Variants in CATSPER4 observed in about 807,000 individuals in gnomAD.
The protein encoded by CATSPER4 is cation channel sperm-associated protein 4.
In CATSPER4, 46 loss-of-function variants were observed where a neutral mutation model predicts 54.4. The observed-to-expected ratio is 0.84, with a 90% CI of 0.67 to 1.08. CATSPER4 has a LOEUF of 1.08. CATSPER4 is among the 50% of genes least tolerant of loss of function. CATSPER4 has a pLI of 0.00. For missense variants in CATSPER4, 574 were observed against 612.8 expected (o/e 0.94, Z 0.67); for synonymous variants, 230 against 231.9 (o/e 0.99, Z 0.08).
intron 3 of CATSPER4, among the ~76,000 whole-genome samples, chr1:26,196,265 G>A (rs1405675218): frequency 2.0e-5 from 3 of 150,592 alleles, no homozygotes; most frequent in Non-Finnish European, 4.4e-5. Context: ...TTACAGGCAA[G>A]GGTCACCATA....
Position 26,201,505 on chromosome 1 carries a change from G to A in CATSPER4, c.1351G>A (p.Val451Ile). 1 of 1,613,986 alleles carries A rather than the reference G, an allele frequency of 6.2e-7. No individual in the cohort carries two copies. Among genetic ancestry groups the A allele is most frequent in the African/African-American group, 1.3e-5 (1 of 74,996 alleles). The change falls in exon 9 of 10, where the codon GTT becomes ATT. Residue 451 changes from valine (V) to isoleucine (I), a missense_variant. Transcript: ENST00000456354. ...ACAGCAAGACTTGCTCAGTGCGCTC[G>A]TTAGCATGGAAAAGGTGTGCCTTCC... ...SQQQDLLSAL[V>I]SMEKVHDSSS...
Position 26,201,420 on chromosome 1 carries a change from CTCG to C in CATSPER4, c.1270_1272del (p.Ser424del), listed in dbSNP as rs778382951. 31 of 1,613,988 alleles carry C rather than the reference CTCG, an allele frequency of 1.9e-5. No individual in the cohort carries two copies. Among genetic ancestry groups the C allele is most frequent in the Admixed American group, 5.0e-5 (3 of 60,008 alleles). On this transcript the variant is annotated inframe_deletion, in exon 9 of 10. Coordinates refer to ENST00000456354, the MANE Select transcript of CATSPER4 (RefSeq NM_198137.2). ...AGGAGTCAGAGGTGTTGAACAGGCG[CTCG>C]TCGACGAGCGGGTCGTTGGAGACTA...
intron 3 of CATSPER4, among the ~76,000 whole-genome samples, chr1:26,195,872 AT>A (rs2088932421): frequency 6.6e-6 from 1 of 152,200 alleles, no homozygotes; most frequent in Non-Finnish European, 1.5e-5. Context: ...GCACCAAGCC[AT>A]TCATGACCCA....
intron 9 of CATSPER4, 108 bp from the exon 10 acceptor site, chr1:26,202,381 C>A: frequency 1.0e-6 from 1 of 986,228 alleles, no homozygotes; most frequent in Non-Finnish European, 1.6e-6. Context: ...TGAAGCACTT[C>A]TCTGGGAGGC....
At chr1:26,201,865 G>A (rs1211829750) in intron 9 of CATSPER4, among the ~76,000 whole-genome samples, 1 of 151,468 alleles carries the variant, frequency 6.6e-6, no homozygotes, top group Admixed American at 6.6e-5. Flanking sequence ...AATTTTTGTA[G>A]TTTTAGTAGA....
Position 26,199,977 on chromosome 1 carries a change from C to A in CATSPER4, c.906C>A (p.Phe302Leu), listed in dbSNP as rs529618082. 6.2e-7 allele frequency: 1 copy of A among 1,614,036 alleles called. No homozygotes were observed. Among genetic ancestry groups the A allele is most frequent in the Non-Finnish European group, 8.5e-7 (1 of 1,179,954 alleles). ...TIGAFIGINL[F>L]VIVVTTNLEQ... ...GTGCCTTCATTGGCATCAACCTGTT[C>A]GTCATCGTGGTGACCACCAACCTGG... Residue 302 changes from phenylalanine to leucine, a missense_variant, in exon 7 of 10, where the codon TTC becomes TTA. Physicochemically the swap from Phe to Leu is conservative, Grantham distance 22 (BLOSUM62 0). Transcript: ENST00000456354.
At chr1:26,201,689 C>CAT in intron 9 of CATSPER4, 170 bp downstream of exon 9, 1 of 508,580 alleles carries the variant, frequency 2.0e-6, no homozygotes. Context: ...TTCTTTCTTT[C>CAT]CTTTTTTTTT....
At chr1:26,200,200 AT>A in intron 7 of CATSPER4, 142 bp downstream of exon 7, 2 of 914,354 alleles carry the variant, frequency 2.2e-6, no homozygotes, top group South Asian at 3.5e-5. Context: ...GCAGCCCCCC[AT>A]CTTGAGTGCC....
intron 4 of CATSPER4, 42 bp downstream of exon 4, chr1:26,197,825 A>T (rs1342123097): frequency 6.2e-7 from 1 of 1,608,028 alleles, no homozygotes; most frequent in South Asian, 1.1e-5. Context: ...ACCTATCTGG[A>T]ACCCAGGAAT....
chr1:26,202,273 A>G (rs111782938), intron 9 of CATSPER4, among the ~76,000 whole-genome samples: 2,332 of 152,130 alleles, frequency 0.015, 51 homozygotes, highest in African/African-American at 0.054. Flanking sequence ...CACCCACGTT[A>G]CTTAGTTTCT....
chr1:26,200,182 T>G (rs1328921895), intron 7 of CATSPER4, 124 bp downstream of exon 7: 18 of 1,132,512 alleles, frequency 1.6e-5, no homozygotes, highest in Non-Finnish European at 2.2e-5. Context: ...GTTGGAGGCC[T>G]GGAGGCAGCA....
In CATSPER4 at chr1:26,191,402, C is replaced by T; in HGVS notation, c.329C>T (p.Ala110Val). The part of the protein sequence containing the change: ...LLLVINAITI[A>V]LRTNSYLDQK... ...CTGGTGATCAATGCCATCACCATCG[C>T]TCTCCGTACCAACTCCTACCTGGAC... Residue 110 changes from alanine (A) to valine (V), a missense_variant, in exon 2 of 10, where the codon GCT (alanine) becomes GTT (valine). Ala to Val is a moderately conservative substitution (Grantham distance 64). Coordinates refer to ENST00000456354, the MANE Select transcript of CATSPER4 (RefSeq NM_198137.2). 6.2e-7 allele frequency: 1 copy of T among 1,614,196 alleles called. No individual in the cohort carries two copies. Among genetic ancestry groups the T allele is most frequent in the Non-Finnish European group, 8.5e-7 (1 of 1,180,028 alleles).
intron 2 of CATSPER4, among the ~76,000 whole-genome samples, 164 bp from the exon 3 acceptor site, chr1:26,193,623 G>A (rs1035140963): frequency 6.6e-6 from 1 of 152,174 alleles, no homozygotes; most frequent in Non-Finnish European, 1.5e-5. Context: ...TGCCTGGCAC[G>A]CACAGGCAAA....
rs754565307 is a variant in CATSPER4 at position 26,197,696 on chromosome 1, A to C, written c.470A>C (p.Asn157Thr). 1 of 1,613,014 alleles carries C rather than the reference A, an allele frequency of 6.2e-7. No individual in the cohort carries two copies. The highest frequency in any genetic ancestry group is 8.5e-7 in the Non-Finnish European group (1 of 1,179,850). ...TGGCCCACTCCCCAGGACGGCTGGA[A>C]CATCCTCAACTTCATTATCGTCTTT... ...GFWIFWKDGW[N>T]ILNFIIVFIL... Residue 157 changes from asparagine to threonine, a missense_variant, in exon 4 of 10, where the codon AAC becomes ACC. By Grantham distance (65) the Asn-to-Thr change is moderately conservative. Transcript: ENST00000456354.
rs747729033 is a variant in CATSPER4, at chr1:26,201,538, A to G, written c.1365+19A>G. 6.2e-7 allele frequency: 1 copy of G among 1,613,238 alleles called. No homozygotes were observed. Among genetic ancestry groups the G allele is most frequent in the South Asian group, 1.1e-5 (1 of 90,996 alleles). On this transcript the variant is annotated intron_variant, in intron 9 of 9. Coordinates refer to ENST00000456354, the MANE Select transcript of CATSPER4 (RefSeq NM_198137.2). ...GGAAAAGGTGTGCCTTCCTTCTCCTACCCAATGGGTACTCGCCCTGACACT... is the reference window on the plus strand; with the variant it reads ...GGAAAAGGTGTGCCTTCCTTCTCCTGCCCAATGGGTACTCGCCCTGACACT...
rs376375618 is a variant in CATSPER4, at chr1:26,191,342, G to A, written c.269G>A (p.Arg90Gln). Residue 90 changes from arginine to glutamine, a missense_variant, in exon 2 of 10, where the codon CGA becomes CAA. Physicochemically the swap from Arg to Gln is conservative, Grantham distance 43 (BLOSUM62 1). Transcript: ENST00000456354. ...ITHMYIKQLL[R>Q]HPAFQLLLAL... ...CACATGTACATCAAGCAGCTGCTCC[G>A]ACACCCCGCCTTCCAACTGCTGCTG... The A allele has an allele frequency of 1.1e-5, 17 of 1,614,162 alleles. No individual in the cohort carries two copies. In the African/African-American group the frequency reaches 1.1e-4, roughly 10 times the overall value.
intron 3 of CATSPER4, among the ~76,000 whole-genome samples, chr1:26,196,895 C>CCTTT (rs1176215471): frequency 1.4e-5 from 2 of 146,502 alleles, no homozygotes; most frequent in East Asian, 1.9e-4. Context: ...TACCAGTCTC[C>CCTTT]CTTTCTTTCT....
At position 26,201,428 on chromosome 1, in the gene CATSPER4, C is replaced by T. The variant is rs1405921444; in HGVS notation, c.1274C>T (p.Thr425Met). Reference sequence around the variant, plus strand: ...GAGGTGTTGAACAGGCGCTCGTCGACGAGCGGGTCGTTGGAGACTACGTCA... The same window carrying T: ...GAGGTGTTGAACAGGCGCTCGTCGATGAGCGGGTCGTTGGAGACTACGTCA... Reference protein sequence around the residue: ...ESEVLNRRSSTSGSLETTSSK... With the variant: ...ESEVLNRRSSMSGSLETTSSK... Residue 425 changes from threonine to methionine, a missense_variant, in exon 9 of 10, where the codon ACG (threonine) becomes ATG (methionine). Physicochemically the swap from Thr to Met is moderately conservative, Grantham distance 81. Coordinates refer to ENST00000456354, the MANE Select transcript of CATSPER4 (RefSeq NM_198137.2). 2.5e-6 allele frequency: 4 copies of T among 1,613,958 alleles called. No individual in the cohort carries two copies. The highest frequency in any genetic ancestry group is 1.7e-5 in the Admixed American group (1 of 60,004).
rs1250970585 is a variant in CATSPER4 at position 26,191,317 on chromosome 1, C to T, written c.244C>T (p.His82Tyr). Residue 82 changes from histidine (H) to tyrosine (Y), a missense_variant, in exon 2 of 10, where the codon CAC becomes TAC. Transcript: ENST00000456354. Reference protein sequence around the residue: ...DAWDMQEFITHMYIKQLLRHP... With the variant: ...DAWDMQEFITYMYIKQLLRHP... Reference sequence around the variant, plus strand: ...CTGGGACATGCAGGAGTTCATCACTCACATGTACATCAAGCAGCTGCTCCG... The same window carrying T: ...CTGGGACATGCAGGAGTTCATCACTTACATGTACATCAAGCAGCTGCTCCG... 1.2e-6 allele frequency: 2 copies of T among 1,614,152 alleles called. No individual in the cohort carries two copies. The highest frequency in any genetic ancestry group is 1.7e-6 in the Non-Finnish European group (2 of 1,180,032).
Sources: allele counts gnomAD v4.1 joint callset (sites outside exome capture counted in the v4.1 genomes callset), GRCh38; gene constraint gnomAD v4.1.1; transcripts MANE v1.5; gene names NCBI Gene and HGNC (gene_info 2026-07-23, HGNC 2026-07-21).